The following ATP1A2 variants were observed in gnomAD, a reference collection of about 807,000 sequenced individuals.
The protein encoded by ATP1A2 is sodium/potassium-transporting ATPase subunit alpha-2.
In ATP1A2, 56 loss-of-function variants were observed where a neutral mutation model predicts 113.1. That is an observed-to-expected ratio of 0.49 (90% CI 0.40 to 0.62). The LOEUF (loss-of-function observed/expected upper bound fraction) is 0.62, where lower values mean the gene tolerates loss of function less well. Among genes scored for constraint, ATP1A2 ranks in the 20% least tolerant of loss-of-function variants. The pLI, the probability that ATP1A2 is intolerant of heterozygous loss-of-function variation, is 0.00. For synonymous variants in ATP1A2, 490 were observed against 526.8 expected (o/e 0.93, Z 0.96); for missense variants, 712 against 1,357.8 (o/e 0.52, Z 7.47).
chr1:160,130,449 G>C lies in ATP1A2; in HGVS notation c.1679G>C (p.Gly560Ala), dbSNP rs779448658. The C allele has an allele frequency of 1.2e-5, 20 of 1,614,108 alleles. No homozygotes were observed. Among genetic ancestry groups the C allele is most frequent in the Admixed American group, 1.7e-5 (1 of 60,010 alleles). ...LGFCQLNLPS[G>A]KFPRGFKFDT... ...TTCTGTCAACTGAATCTGCCATCTG[G>C]AAAGTTTCCTCGGGGCTTCAAATTC... Residue 560 changes from glycine (G) to alanine (A), a missense_variant, in exon 13 of 23, where the codon GGA becomes GCA. Gly to Ala is a moderately conservative substitution (Grantham distance 60). Around this residue, in one of 6 missense-constraint regions of ATP1A2, gnomAD observed 263 missense variants for 380.6 expected, o/e 0.69. Transcript: ENST00000361216.
chr1:160,133,242 T>C (rs570970176), intron 13 of ATP1A2, among the ~76,000 whole-genome samples: 1 of 152,136 alleles, frequency 6.6e-6, no homozygotes, highest in East Asian at 1.9e-4. Flanking sequence ...CGGTGCCAAA[T>C]GCCTCAGAGG....
At chr1:160,121,140 A>C in intron 2 of ATP1A2, 52 bp from the exon 3 acceptor site, 1 of 1,607,288 alleles carries the variant, frequency 6.2e-7, no homozygotes. Flanking sequence ...CAGTACCCTC[A>C]TATGCATCTT....
intron 1 of ATP1A2, among the ~76,000 whole-genome samples, chr1:160,117,776 G>A (rs1193644613): frequency 1.3e-5 from 2 of 152,204 alleles, no homozygotes; most frequent in Non-Finnish European, 2.9e-5. Flanking sequence ...GACGACACTG[G>A]TGGGAGGGAG....
rs1651962291 is a variant in ATP1A2, at chr1:160,136,667, G to A, written c.2661G>A (p.Trp887Ter). Residue 887 changes from tryptophan to a stop codon, truncating the protein, a stop_gained, in exon 19 of 23, where the codon TGG (tryptophan) becomes TGA (stop). Transcript: ENST00000361216. LOFTEE classifies it high-confidence loss of function. ...PSRLLGIRLD[W>*]DDRTMNDLED... ...GGCTACTGGGAATCCGCCTCGACTG[G>A]GATGACCGGACCATGAATGATCTGG... is the stretch of plus-strand genomic sequence containing the variant. 1.2e-6 allele frequency: 2 copies of A among 1,614,238 alleles called. No individual in the cohort carries two copies. Among genetic ancestry groups the A allele is most frequent in the South Asian group, 1.1e-5 (1 of 91,084 alleles).
chr1:160,139,861 A>T, intron 21 of ATP1A2, 32 bp from the exon 22 acceptor site: 1 of 1,612,774 alleles, frequency 6.2e-7, no homozygotes, highest in Non-Finnish European at 8.5e-7. Flanking sequence ...CCAACCTCTG[A>T]TGCTGCTGAC....
chr1:160,139,557 T>C, intron 20 of ATP1A2, 83 bp from the exon 21 acceptor site: 1 of 1,209,942 alleles, frequency 8.3e-7, no homozygotes, highest in South Asian at 1.2e-5. Context: ...CTCTCTCCTC[T>C]TTCCCTTGCA....
intron 3 of ATP1A2, among the ~76,000 whole-genome samples, chr1:160,121,925 G>A (rs111307364): frequency 6.6e-5 from 10 of 152,240 alleles, no homozygotes; most frequent in Non-Finnish European, 8.8e-5. Flanking sequence ...TAAGGTCAGC[G>A]GTTTGAGAGC....
At position 160,142,971 on chromosome 1, in the gene ATP1A2, A is replaced by ACTT. The variant is rs1482957925; in HGVS notation, c.*1650_*1652dup. ...TTCTTTCCCTTACTCCCTATCTAAC[A>ACTT]CTTTTGCTCTGCAGGCAGCCTTGCC... On this transcript the variant is annotated 3_prime_UTR_variant, in exon 23 of 23. Coordinates refer to ENST00000361216, the MANE Select transcript of ATP1A2 (RefSeq NM_000702.4). 6.6e-6 allele frequency: 1 copy of ACTT among 152,090 alleles called. No homozygotes were observed. The highest frequency in any genetic ancestry group is 6.5e-5 in the Admixed American group (1 of 15,268). The allele number at this position is 152,090 out of a possible 1,614,324, so 9.4% of individuals were successfully genotyped here.
Position 160,130,692 on chromosome 1 carries a change from G to A in ATP1A2, c.1827+95G>A, listed in dbSNP as rs1044587048. On this transcript the variant is annotated intron_variant, in intron 13 of 22. Transcript: ENST00000361216. ...GCTGCCCTGGAAAGGCCCAGGCCAC[G>A]GTGGCCTCCTTCCCACTGACTCAGA... is the stretch of plus-strand genomic sequence containing the variant. 141 of 1,541,986 alleles carry A rather than the reference G, an allele frequency of 9.1e-5. No individual in the cohort carries two copies. The Admixed American group carries it at 1.2e-3, about 13-fold the overall frequency.
In ATP1A2 at chr1:160,129,271, C is replaced by T. The variant is rs765455081; in HGVS notation, c.1332C>T (p.Asp444=). The part of the protein sequence containing the change: ...GQENISVSKR[D]TAGDASESAL... ...ATTCTTGTCTCTTCTGGCAGCGGGACACAGCTGGTGATGCCTCTGAGTCAG... is the reference window on the plus strand; with the variant it reads ...ATTCTTGTCTCTTCTGGCAGCGGGATACAGCTGGTGATGCCTCTGAGTCAG... The change falls in exon 11 of 23, where the codon GAC becomes GAT. Residue 444 remains aspartate, a synonymous_variant. Transcript: ENST00000361216. The T allele has an allele frequency of 1.4e-5, 22 of 1,614,182 alleles. No individual in the cohort carries two copies. The Admixed American group carries it at 3.2e-4, about 23-fold the overall frequency.
intron 20 of ATP1A2, among the ~76,000 whole-genome samples, chr1:160,138,920 G>T (rs753619699): frequency 1.1e-4 from 16 of 152,010 alleles, no homozygotes; most frequent in Non-Finnish European, 2.1e-4. Context: ...AGCTTTTCAC[G>T]TGTTATCTCC....
intron 19 of ATP1A2, 42 bp downstream of exon 19, chr1:160,136,757 A>G (rs1208528836): frequency 2.5e-6 from 4 of 1,614,152 alleles, no homozygotes; most frequent in Non-Finnish European, 2.5e-6. Context: ...GTGTGAAGGT[A>G]CGGGAAGCTG....
At chr1:160,138,295 A>G (rs1652019430) in intron 20 of ATP1A2, among the ~76,000 whole-genome samples, 1 of 152,272 alleles carries the variant, frequency 6.6e-6, no homozygotes, top group Non-Finnish European at 1.5e-5. Flanking sequence ...CTAATGTGTC[A>G]TTCTTAGGCA....
intron 5 of ATP1A2, 90 bp from the exon 6 acceptor site, chr1:160,124,206 C>T: frequency 6.4e-7 from 1 of 1,554,234 alleles, no homozygotes; most frequent in South Asian, 1.2e-5. Flanking sequence ...TATGGGGCTT[C>T]TCCTTCTGCT....
At position 160,136,357 on chromosome 1, in the gene ATP1A2, C is replaced by T; in HGVS notation, c.2550C>T (p.Ala850=). Residue 850 remains alanine, a synonymous_variant, in exon 18 of 23, where the codon GCC becomes GCT. Transcript: ENST00000361216. The part of the protein sequence containing the change: ...KLVNERLISM[A]YGQIGMIQAL... ...TGAATGAGAGGCTCATCAGCATGGC[C>T]TACGGACAGATCGGTGCGCCAAGCC... is the stretch of plus-strand genomic sequence containing the variant. 6.2e-7 allele frequency: 1 copy of T among 1,614,118 alleles called. No homozygotes were observed.
At position 160,136,753 on chromosome 1, in the gene ATP1A2, A is replaced by G. The variant is rs912241447; in HGVS notation, c.2709+38A>G. The stretch of plus-strand genomic sequence containing the variant: ...GTGTAAACACAGCGCACATGTGTGA[A>G]GGTACGGGAAGCTGAATGCCTGGCA... On this transcript the variant is annotated intron_variant, in intron 19 of 22. Transcript: ENST00000361216. The G allele has an allele frequency of 3.1e-6, 5 of 1,614,116 alleles. No homozygotes were observed. The African/African-American group carries it at 4.0e-5, about 13-fold the overall frequency.
At position 160,125,242 on chromosome 1, in the gene ATP1A2, A is replaced by T. The variant is rs2101986790; in HGVS notation, c.737A>T (p.Asn246Ile). ...ETRNICFFST[N>I]CVEGTARGIV... The stretch of plus-strand genomic sequence containing the variant: ...CGCAATATCTGTTTCTTCTCCACCA[A>T]CTGTGTTGAAGGTGAGAAGCCAGGC... Residue 246 changes from asparagine to isoleucine, a missense_variant, in exon 7 of 23, where the codon AAC (asparagine) becomes ATC (isoleucine). By Grantham distance (149) the Asn-to-Ile change is moderately radical. This residue lies in a region of ATP1A2 where 99 missense variants were observed against 180.4 expected (regional missense o/e 0.55). Coordinates refer to ENST00000361216, the MANE Select transcript of ATP1A2 (RefSeq NM_000702.4). The T allele has an allele frequency of 6.2e-7, 1 of 1,613,708 alleles. No individual in the cohort carries two copies. The highest frequency in any genetic ancestry group is 8.5e-7 in the Non-Finnish European group (1 of 1,179,666).
chr1:160,132,625 A>C (rs980873382), intron 13 of ATP1A2, among the ~76,000 whole-genome samples: 2 of 152,194 alleles, frequency 1.3e-5, no homozygotes, highest in East Asian at 3.8e-4. Context: ...CATCTAAGGT[A>C]GGGAGCAGTA....
intron 13 of ATP1A2, among the ~76,000 whole-genome samples, chr1:160,132,272 G>A (rs1397694942): frequency 1.3e-5 from 2 of 152,044 alleles, no homozygotes; most frequent in Non-Finnish European, 2.9e-5. Context: ...CTGGAACACT[G>A]GGTCAGAGCC....
Sources: gnomAD v4.1 joint callset for allele counts (sites outside exome capture counted in the v4.1 genomes callset) on GRCh38, gnomAD v4.1.1 for gene constraint, gnomAD v4.1.1 regional missense constraint, MANE v1.5 for transcripts, NCBI Gene and HGNC (gene_info 2026-07-23, HGNC 2026-07-21) for gene names.